Variants in TSHZ2 observed in about 807,000 individuals in gnomAD.
TSHZ2 encodes the protein teashirt homolog 2.
In TSHZ2, 21 loss-of-function variants were observed where a neutral mutation model predicts 74.4. The ratio of observed to expected loss-of-function variants is 0.28; its 90% CI spans 0.20 to 0.41. TSHZ2 has a LOEUF of 0.41. TSHZ2 is among the 10% of genes least tolerant of loss of function. TSHZ2 has a pLI of 1.00. For missense variants in TSHZ2, 1,244 were observed against 1,293.5 expected (o/e 0.96, Z 0.59); for synonymous variants, 540 against 515.3 (o/e 1.05, Z -0.65).
intron 2 of TSHZ2, among the ~76,000 whole-genome samples, chr20:53,470,467 C>T (rs528607115): frequency 6.6e-6 from 1 of 152,304 alleles, no homozygotes; most frequent in Non-Finnish European, 1.5e-5. Context: ...GATTACACCG[C>T]TAAGCATCAT....
chr20:53,001,548 ATTGT>A, intron 1 of TSHZ2, among the ~76,000 whole-genome samples: 1 of 152,288 alleles, frequency 6.6e-6, no homozygotes, highest in Admixed American at 6.5e-5. Flanking sequence ...CCTAAAGATG[ATTGT>A]TTCTCACCAT....
intron 2 of TSHZ2, among the ~76,000 whole-genome samples, chr20:53,269,649 C>A (rs963326064): frequency 6.6e-6 from 1 of 152,124 alleles, no homozygotes; most frequent in Non-Finnish European, 1.5e-5. Context: ...TTGTAACACA[C>A]GAACTTAGAA....
At chr20:53,221,571 G>T (rs1989558380) in intron 1 of TSHZ2, among the ~76,000 whole-genome samples, 1 of 152,046 alleles carries the variant, frequency 6.6e-6, no homozygotes, top group African/African-American at 2.4e-5. Context: ...CTTGTTACTG[G>T]GTCTGTTTCA....
chr20:53,166,867 A>G (rs1442939917), intron 1 of TSHZ2, among the ~76,000 whole-genome samples: 2 of 152,190 alleles, frequency 1.3e-5, no homozygotes, highest in Admixed American at 6.5e-5. Context: ...AAGACAATAA[A>G]CAGGTACATA....
At chr20:53,369,595 C>G (rs553489678) in intron 2 of TSHZ2, among the ~76,000 whole-genome samples, 1 of 152,164 alleles carries the variant, frequency 6.6e-6, no homozygotes, top group South Asian at 2.1e-4. Context: ...CCTGTAATCT[C>G]AGCTACTCGG....
At chr20:53,461,266 A>C (rs545833922) in intron 2 of TSHZ2, among the ~76,000 whole-genome samples, 206 of 152,100 alleles carry the variant, frequency 1.4e-3, no homozygotes, top group African/African-American at 3.6e-3. Flanking sequence ...TAAGCCCGTC[A>C]GAAAAGCGCT....
At chr20:52,992,383 G>A (rs138607513) in intron 1 of TSHZ2, among the ~76,000 whole-genome samples, 51 of 152,272 alleles carry the variant, frequency 3.3e-4, no homozygotes, top group African/African-American at 1.2e-3. Flanking sequence ...TAGATAAACC[G>A]ATGCATGCAC....
At chr20:53,442,919 A>C (rs1186691862) in intron 2 of TSHZ2, among the ~76,000 whole-genome samples, 1 of 152,228 alleles carries the variant, frequency 6.6e-6, no homozygotes, top group East Asian at 1.9e-4. Context: ...AGTAAAAACC[A>C]ATTTGCAGTA....
chr20:53,258,261 T>C (rs190766100), intron 2 of TSHZ2, among the ~76,000 whole-genome samples: 1 of 152,346 alleles, frequency 6.6e-6, no homozygotes, highest in African/African-American at 2.4e-5. Flanking sequence ...AATGCATCCA[T>C]TGAATTCACA....
At chr20:53,278,273 G>C (rs1262705823) in intron 2 of TSHZ2, among the ~76,000 whole-genome samples, 1 of 152,188 alleles carries the variant, frequency 6.6e-6, no homozygotes, top group Non-Finnish European at 1.5e-5. Context: ...TCACTTTCCT[G>C]ATATTTTCTA....
chr20:53,338,327 A>G (rs564871977), intron 2 of TSHZ2, among the ~76,000 whole-genome samples: 1 of 152,338 alleles, frequency 6.6e-6, no homozygotes, highest in African/African-American at 2.4e-5. Flanking sequence ...GATGGTGAGA[A>G]CAATGGAAAC....
chr20:53,240,609 A>G (rs534601863), intron 1 of TSHZ2, among the ~76,000 whole-genome samples: 16 of 152,270 alleles, frequency 1.1e-4, no homozygotes, highest in African/African-American at 3.6e-4. Flanking sequence ...GGTCAGAAAG[A>G]AAGATCTGGG....
chr20:53,079,010 A>G (rs1482932700), intron 1 of TSHZ2, among the ~76,000 whole-genome samples: 1 of 152,196 alleles, frequency 6.6e-6, no homozygotes, highest in Non-Finnish European at 1.5e-5. Flanking sequence ...GGGTGAGATT[A>G]TTGAGGAAGA....
At chr20:53,467,712 C>T (rs1336341843) in intron 2 of TSHZ2, among the ~76,000 whole-genome samples, 1 of 152,180 alleles carries the variant, frequency 6.6e-6, no homozygotes, top group Non-Finnish European at 1.5e-5. Context: ...AAGAAGTTTA[C>T]AGGTATAGAC....
chr20:52,986,401 C>CAAAAAAA (rs34991984), intron 1 of TSHZ2, among the ~76,000 whole-genome samples: 1 of 120,808 alleles, frequency 8.3e-6, no homozygotes, highest in East Asian at 2.8e-4. Context: ...AAGAATCCAT[C>CAAAAAAA]AAAAAAAAAA....
At chr20:53,361,914 T>G (rs1042446146) in intron 2 of TSHZ2, among the ~76,000 whole-genome samples, 1 of 30,654 alleles carries the variant, frequency 3.3e-5, no homozygotes, top group Middle Eastern at 0.017. Context: ...TTGTTGTTGT[T>G]GTTTTGTGTT....
intron 1 of TSHZ2, chr20:53,196,366 T>TAAAAAAAAAAAA (rs34385917): frequency 4.6e-5 from 5 of 109,680 alleles, no homozygotes; most frequent in East Asian, 2.8e-4. Flanking sequence ...AATCTGCTGC[T>TAAAAAAAAAAAA]AAAAAAAAAA....
chr20:53,346,783 G>T (rs1381946943), intron 2 of TSHZ2, among the ~76,000 whole-genome samples: 1 of 152,208 alleles, frequency 6.6e-6, no homozygotes, highest in Non-Finnish European at 1.5e-5. Context: ...TAGATATTCT[G>T]TAGACATCTA....
intron 1 of TSHZ2, among the ~76,000 whole-genome samples, chr20:53,099,403 G>GA (rs1319985150): frequency 6.6e-6 from 1 of 152,136 alleles, no homozygotes; most frequent in Non-Finnish European, 1.5e-5. Flanking sequence ...ACTTCTTGCA[G>GA]AAAGCCTCCA....
Sources: gnomAD v4.1 joint callset for allele counts (sites outside exome capture counted in the v4.1 genomes callset) on GRCh38, gnomAD v4.1.1 for gene constraint, MANE v1.5 for transcripts, NCBI Gene and HGNC (gene_info 2026-07-23, HGNC 2026-07-21) for gene names.